The following FTL variants were observed in gnomAD, a reference collection of about 807,000 sequenced individuals.
FTL encodes the protein epididymis secretory sperm binding protein.
In FTL, 17 loss-of-function variants were observed where a neutral mutation model predicts 16.6. That is an observed-to-expected ratio of 1.02 (90% CI 0.70 to 1.53). The LOEUF (loss-of-function observed/expected upper bound fraction) is 1.53. FTL is among the 40% of genes most tolerant of loss of function. The probability of loss-of-function intolerance (pLI) is 0.00; values close to 1 mark genes in which losing one functional copy is unlikely to be tolerated. For synonymous variants in FTL, 73 were observed against 89.9 expected, an observed-to-expected ratio of 0.81 and a Z score of 1.06; for missense variants, 186 against 226.1, an observed-to-expected ratio of 0.82 and a Z score of 1.14.
rs2038437773 is a variant in FTL at position 48,965,315 on chromosome 19, C to G, written c.-193C>G. ...GCCCTAGCCACGTCCCCTCGCAGTTCGGCGGTCCCGCGGGTCTGTCTCTTG... is the reference window on the plus strand; with the variant it reads ...GCCCTAGCCACGTCCCCTCGCAGTTGGGCGGTCCCGCGGGTCTGTCTCTTG... On this transcript the variant is annotated 5_prime_UTR_variant, in exon 1 of 4. Transcript: ENST00000331825. 8.1e-6 allele frequency: 5 copies of G among 616,228 alleles called. No individual in the cohort carries two copies. The highest frequency in any genetic ancestry group is 1.7e-5 in the South Asian group (1 of 58,962). The allele number at this position is 616,228 out of a possible 1,614,324, so 38.2% of individuals were successfully genotyped here.
At position 48,965,622 on chromosome 19, in the gene FTL, G is replaced by A. The variant is rs771136360; in HGVS notation, c.102+13G>A. On this transcript the variant is annotated intron_variant, in intron 1 of 3. Transcript: ENST00000331825. ...CTACCTCTCTCTGGTGAGTCCCCAGGACGCCCCTGGCCCTAATTTCCTCCA... is the reference window on the plus strand; with the variant it reads ...CTACCTCTCTCTGGTGAGTCCCCAGAACGCCCCTGGCCCTAATTTCCTCCA... The A allele has an allele frequency of 3.7e-6, 6 of 1,608,486 alleles. No homozygotes were observed. Among genetic ancestry groups the A allele is most frequent in the Non-Finnish European group, 5.1e-6 (6 of 1,174,874 alleles).
intron 2 of FTL, 165 bp downstream of exon 2, chr19:48,966,081 A>G: frequency 8.4e-7 from 1 of 1,186,856 alleles, no homozygotes; most frequent in Non-Finnish European, 1.2e-6. Flanking sequence ...AGTGCCCACA[A>G]CACGCGGCAG....
At position 48,965,778 on chromosome 19, in the gene FTL, T is replaced by G. The variant is rs2038444978; in HGVS notation, c.111T>G (p.Tyr37Ter). The change falls in exon 2 of 4, where the codon TAT becomes TAG. Residue 37 changes from tyrosine (Y) to a stop codon, truncating the protein, a stop_gained. Transcript: ENST00000331825. LOFTEE classifies it high-confidence loss of function. ...ASYTYLSLGF[Y>*]FDRDDVALEG... ...TCCATCTCTTCCCGTAGGGCTTCTA[T>G]TTCGACCGCGATGATGTGGCTCTGG... 11 of 1,614,166 alleles carry G rather than the reference T, an allele frequency of 6.8e-6. No homozygotes were observed. The East Asian group carries it at 2.5e-4, about 36-fold the overall frequency.
rs751923171 is a variant in FTL at position 48,966,350 on chromosome 19, C to T, written c.319C>T (p.Leu107=). 1.7e-5 allele frequency: 27 copies of T among 1,614,058 alleles called. No homozygotes were observed. In the Middle Eastern group the frequency reaches 8.2e-4, roughly 49 times the overall value. The part of the protein sequence containing the change: ...MKAAMALEKK[L]NQALLDLHAL... ...AGCTGCCATGGCCCTGGAGAAAAAGCTGAACCAGGCCCTTTTGGATCTTCA... is the reference window on the plus strand; with the variant it reads ...AGCTGCCATGGCCCTGGAGAAAAAGTTGAACCAGGCCCTTTTGGATCTTCA... Residue 107 remains leucine, a synonymous_variant, in exon 3 of 4, where the codon CTG becomes TTG. Transcript: ENST00000331825.
Position 48,965,408 on chromosome 19 carries a change from C to T in FTL, c.-100C>T. On this transcript the variant is annotated 5_prime_UTR_variant, in exon 1 of 4. Coordinates refer to ENST00000331825, the MANE Select transcript of FTL (RefSeq NM_000146.4). ...CAGCCTCCGACCGCCCTCCGATTTC[C>T]TCTCCGCTTGCAACCTCCGGGACCA... 1.2e-6 allele frequency: 1 copy of T among 820,350 alleles called. No homozygotes were observed. The highest frequency in any genetic ancestry group is 1.8e-5 in the Admixed American group (1 of 57,040). The allele number at this position is 820,350 out of a possible 1,614,324, so 50.8% of individuals were successfully genotyped here. A position where few individuals can be genotyped will look rare whatever the true frequency, so the allele number is the denominator to read the frequency against.
chr19:48,966,389 G>A lies in FTL; in HGVS notation c.358G>A (p.Ala120Thr), dbSNP rs2038455068. The change falls in exon 3 of 4, where the codon GCC (alanine) becomes ACC (threonine). Residue 120 changes from alanine to threonine, a missense_variant. Ala to Thr is a moderately conservative substitution (Grantham distance 58). Transcript: ENST00000331825. ...TTTGGATCTTCATGCCCTGGGTTCT[G>A]CCCGCACGGACCCCCATGTACGTAC... is the stretch of plus-strand genomic sequence containing the variant. ...ALLDLHALGS[A>T]RTDPHLCDFL... The A allele has an allele frequency of 1.2e-6, 2 of 1,613,956 alleles. No homozygotes were observed. Among genetic ancestry groups the A allele is most frequent in the Admixed American group, 1.7e-5 (1 of 59,982 alleles).
chr19:48,965,763 C>G lies in FTL; in HGVS notation c.103-7C>G. ...CTAACCATTGTTGCCTCCATCTCTT[C>G]CCGTAGGGCTTCTATTTCGACCGCG... On this transcript the variant is annotated splice_region_variant and splice_polypyrimidine_tract_variant and intron_variant, in intron 1 of 3. Coordinates refer to ENST00000331825, the MANE Select transcript of FTL (RefSeq NM_000146.4). 1 of 1,614,116 alleles carries G rather than the reference C, an allele frequency of 6.2e-7. No homozygotes were observed.
At chr19:48,966,537 T>A in intron 3 of FTL, 46 bp from the exon 4 acceptor site, 2 of 1,612,504 alleles carry the variant, frequency 1.2e-6, no homozygotes, top group South Asian at 1.1e-5. Context: ...TCTCTCCCCC[T>A]CTTTTCCAGG....
chr19:48,966,274 T>C lies in FTL; in HGVS notation c.250-7T>C, dbSNP rs1318185142. On this transcript the variant is annotated splice_region_variant and splice_polypyrimidine_tract_variant and intron_variant, in intron 2 of 3. Transcript: ENST00000331825. Reference sequence around the variant, plus strand: ...TGTATTCTGAGCCATTTCTCCCTTCTATATAGAAGCCAGCTGAAGATGAGT... The same window carrying C: ...TGTATTCTGAGCCATTTCTCCCTTCCATATAGAAGCCAGCTGAAGATGAGT... 1 of 1,613,878 alleles carries C rather than the reference T, an allele frequency of 6.2e-7. No homozygotes were observed. The highest frequency in any genetic ancestry group is 8.5e-7 in the Non-Finnish European group (1 of 1,180,002).
Position 48,965,902 on chromosome 19 carries a change from T to C in FTL, c.235T>C (p.Phe79Leu), listed in dbSNP as rs17851422. ...AAACCAGCGTGGCGGCCGCGCTCTC[T>C]TCCAGGACATCAAGGTAACTAGTGT... is the stretch of plus-strand genomic sequence containing the variant. Reference protein sequence around the residue: ...MQNQRGGRALFQDIKKPAEDE... With the variant: ...MQNQRGGRALLQDIKKPAEDE... Residue 79 changes from phenylalanine to leucine, a missense_variant, in exon 2 of 4, where the codon TTC becomes CTC. Phe to Leu is a conservative substitution (Grantham distance 22). Transcript: ENST00000331825. 1 of 1,614,160 alleles carries C rather than the reference T, an allele frequency of 6.2e-7. No individual in the cohort carries two copies. Among genetic ancestry groups the C allele is most frequent in the Non-Finnish European group, 8.5e-7 (1 of 1,179,996 alleles).
At chr19:48,965,650 T>A (rs777134222) in intron 1 of FTL, 41 bp downstream of exon 1, 1 of 1,601,652 alleles carries the variant, frequency 6.2e-7, no homozygotes, top group Non-Finnish European at 8.6e-7. Flanking sequence ...TTCCTCCAGC[T>A]GCGCACCTCC....
rs2038461122 is a variant in FTL at position 48,966,706 on chromosome 19, T to G, written c.499T>G (p.Phe167Val). 6.2e-7 allele frequency: 1 copy of G among 1,613,380 alleles called. No homozygotes were observed. Among genetic ancestry groups the G allele is most frequent in the African/African-American group, 1.3e-5 (1 of 74,886 alleles). ...GGAGGCTGGGCTGGGCGAGTATCTC[T>G]TCGAAAGGCTCACTCTCAAGCACGA... The part of the protein sequence containing the change: ...GPEAGLGEYL[F>V]ERLTLKHD Residue 167 changes from phenylalanine to valine, a missense_variant, in exon 4 of 4, where the codon TTC (phenylalanine) becomes GTC (valine). Phe to Val is a conservative substitution (Grantham distance 50). Coordinates refer to ENST00000331825, the MANE Select transcript of FTL (RefSeq NM_000146.4).
In FTL at chr19:48,965,600, C is replaced by T. The variant is rs1555796995; in HGVS notation, c.93C>T (p.Tyr31=). ...VNLYLQASYT[Y]LSLGFYFDRD... ...TGTACCTGCAGGCCTCCTACACCTA[C>T]CTCTCTCTGGTGAGTCCCCAGGACG... Residue 31 remains tyrosine, a synonymous_variant, in exon 1 of 4, where the codon TAC becomes TAT. Coordinates refer to ENST00000331825, the MANE Select transcript of FTL (RefSeq NM_000146.4). 5.6e-6 allele frequency: 9 copies of T among 1,613,092 alleles called. No homozygotes were observed. Among genetic ancestry groups the T allele is most frequent in the South Asian group, 2.2e-5 (2 of 91,072 alleles).
In FTL at chr19:48,965,766, G is replaced by A. The variant is rs2038444799; in HGVS notation, c.103-4G>A. 2 of 1,614,082 alleles carry A rather than the reference G, an allele frequency of 1.2e-6. No homozygotes were observed. Among genetic ancestry groups the A allele is most frequent in the South Asian group, 1.1e-5 (1 of 91,084 alleles). The stretch of plus-strand genomic sequence containing the variant: ...ACCATTGTTGCCTCCATCTCTTCCC[G>A]TAGGGCTTCTATTTCGACCGCGATG... On this transcript the variant is annotated splice_region_variant and splice_polypyrimidine_tract_variant and intron_variant, in intron 1 of 3. Transcript: ENST00000331825.
chr19:48,965,620 A>G lies in FTL; in HGVS notation c.102+11A>G. ...ACCTACCTCTCTCTGGTGAGTCCCC[A>G]GGACGCCCCTGGCCCTAATTTCCTC... On this transcript the variant is annotated intron_variant, in intron 1 of 3. Transcript: ENST00000331825. 6.2e-7 allele frequency: 1 copy of G among 1,609,668 alleles called. No individual in the cohort carries two copies. Among genetic ancestry groups the G allele is most frequent in the Non-Finnish European group, 8.5e-7 (1 of 1,175,944 alleles).
chr19:48,965,321 T>C lies in FTL; in HGVS notation c.-187T>C. On this transcript the variant is annotated 5_prime_UTR_variant, in exon 1 of 4. Coordinates refer to ENST00000331825, the MANE Select transcript of FTL (RefSeq NM_000146.4). ...GCCACGTCCCCTCGCAGTTCGGCGG[T>C]CCCGCGGGTCTGTCTCTTGCTTCAA... The C allele has an allele frequency of 1.6e-6, 1 of 625,238 alleles. No individual in the cohort carries two copies. The highest frequency in any genetic ancestry group is 2.9e-5 in the East Asian group (1 of 34,518). The allele number at this position is 625,238 out of a possible 1,614,324, so 38.7% of individuals were successfully genotyped here. A position where few individuals can be genotyped will look rare whatever the true frequency, so the allele number is the denominator to read the frequency against.
intron 2 of FTL, 182 bp from the exon 3 acceptor site, chr19:48,966,099 C>T (rs930261882): frequency 1.7e-6 from 2 of 1,190,296 alleles, no homozygotes; most frequent in Non-Finnish European, 2.5e-6. Flanking sequence ...CAGTCCACAC[C>T]GCTGCGTGGT....
rs1168256081 is a variant in FTL, at chr19:48,966,421, C to T, written c.375+15C>T. 2.5e-6 allele frequency: 4 copies of T among 1,614,048 alleles called. No individual in the cohort carries two copies. The highest frequency in any genetic ancestry group is 3.4e-6 in the Non-Finnish European group (4 of 1,180,038). ...CGGACCCCCATGTACGTACCCGCTG[C>T]ATCCATGGCTACCCAACCATACCCC... On this transcript the variant is annotated intron_variant, in intron 3 of 3. Transcript: ENST00000331825.
At chr19:48,966,435 C>T (rs763433991) in intron 3 of FTL, 29 bp downstream of exon 3, 1 of 1,614,160 alleles carries the variant, frequency 6.2e-7, no homozygotes, top group Admixed American at 1.7e-5. Flanking sequence ...CATGGCTACC[C>T]AACCATACCC....
Sources: gnomAD v4.1 joint callset for allele counts on GRCh38, gnomAD v4.1.1 for gene constraint, MANE v1.5 for transcripts, NCBI Gene and HGNC (gene_info 2026-07-23, HGNC 2026-07-21) for gene names.